The following CADPS2 variants were observed in gnomAD, a reference collection of about 807,000 sequenced individuals.
CADPS2 encodes the protein calcium dependent secretion activator 2, also known as calcium-dependent secretion activator 2.
Under a neutral mutation model 172.5 loss-of-function variants are expected in CADPS2, and 93 were observed. The ratio of observed to expected loss-of-function variants is 0.54; its 90% CI spans 0.46 to 0.64. The LOEUF is 0.64. Among genes scored for constraint, CADPS2 ranks in the 30% least tolerant of loss-of-function variants. The probability of loss-of-function intolerance (pLI) is 0.00; values close to 1 mark genes in which losing one functional copy is unlikely to be tolerated. For missense variants in CADPS2, 1,420 were observed against 1,565.9 expected (o/e 0.91, Z 1.57); for synonymous variants, 546 against 555.2 (o/e 0.98, Z 0.23).
chr7:122,719,235 A>G (rs1199077404), intron 2 of CADPS2, among the ~76,000 whole-genome samples: 1 of 151,960 alleles, frequency 6.6e-6, no homozygotes, highest in African/African-American at 2.4e-5. Context: ...GAAGTGAGGA[A>G]AGGAAGAAAG....
At position 122,388,755 on chromosome 7, in the gene CADPS2, A is replaced by G. The variant is rs1204296133; in HGVS notation, c.3009-17T>C. ...GAGCCATTGCTAGAAGAAAAAGGAA[A>G]AATGAACATCATGAACTCCCCGTTA... On this transcript the variant is annotated splice_polypyrimidine_tract_variant and intron_variant, in intron 22 of 29. Transcript: ENST00000449022. The G allele has an allele frequency of 6.3e-7, 1 of 1,587,292 alleles. No homozygotes were observed. Among genetic ancestry groups the G allele is most frequent in the East Asian group, 2.2e-5 (1 of 44,446 alleles).
chr7:122,411,939 G>A (rs2047367655), intron 19 of CADPS2, among the ~76,000 whole-genome samples: 1 of 152,164 alleles, frequency 6.6e-6, no homozygotes, highest in Admixed American at 6.5e-5. Flanking sequence ...GAGATGATGA[G>A]CTGAAAATGC....
intron 11 of CADPS2, among the ~76,000 whole-genome samples, chr7:122,487,011 C>CTTTT (rs535575706): frequency 3.2e-5 from 4 of 123,282 alleles, no homozygotes; most frequent in Non-Finnish European, 5.0e-5. Context: ...ATAAACATAA[C>CTTTT]TTTTTTTTTT....
chr7:122,326,269 A>T (rs1053883352), intron 28 of CADPS2, among the ~76,000 whole-genome samples: 3 of 152,028 alleles, frequency 2.0e-5, no homozygotes, highest in Non-Finnish European at 4.4e-5. Context: ...AATGAAAAGG[A>T]TGTGTTTCAT....
At chr7:122,625,606 G>A (rs1371174691) in intron 4 of CADPS2, among the ~76,000 whole-genome samples, 4 of 152,186 alleles carry the variant, frequency 2.6e-5, no homozygotes, top group Admixed American at 2.6e-4. Context: ...CCCTGTCTGA[G>A]TTTCTCACCT....
intron 15 of CADPS2, among the ~76,000 whole-genome samples, chr7:122,446,117 C>G (rs1326156571): frequency 6.6e-6 from 1 of 152,126 alleles, no homozygotes; most frequent in Non-Finnish European, 1.5e-5. Context: ...ACCATCCATG[C>G]CCTTAACTGG....
chr7:122,737,164 T>C (rs2092215810), intron 1 of CADPS2, 96 bp from the exon 2 acceptor site: 1 of 657,776 alleles, frequency 1.5e-6, no homozygotes, highest in Non-Finnish European at 2.7e-6. Context: ...AGATTTCACA[T>C]CTAGAATTAA....
At chr7:122,563,444 G>T (rs1401399460) in intron 7 of CADPS2, among the ~76,000 whole-genome samples, 7 of 152,040 alleles carry the variant, frequency 4.6e-5, no homozygotes, top group Non-Finnish European at 8.8e-5. Context: ...CCCCTCAAAG[G>T]TAGGCACTAT....
chr7:122,502,295 G>A (rs959710710), intron 9 of CADPS2, among the ~76,000 whole-genome samples: 2 of 152,110 alleles, frequency 1.3e-5, no homozygotes, highest in Admixed American at 6.5e-5. Flanking sequence ...AACTAGGTCT[G>A]AAATTAATAT....
chr7:122,667,098 T>C (rs929896317), intron 2 of CADPS2, among the ~76,000 whole-genome samples: 6 of 152,200 alleles, frequency 3.9e-5, no homozygotes, highest in African/African-American at 1.4e-4. Context: ...CCTGTTCAAT[T>C]ATTGTGTGTT....
intron 2 of CADPS2, among the ~76,000 whole-genome samples, chr7:122,707,215 G>A (rs2087717369): frequency 6.6e-6 from 1 of 151,960 alleles, no homozygotes. Flanking sequence ...CAGAGTCTCT[G>A]TTAATGGGGA....
chr7:122,870,185 C>A lies in CADPS2; in HGVS notation c.339+15814G>T, dbSNP rs375702706. ...AGTGGATTAAAAAAAGAAGATGCAA[C>A]TACCCAACTATATGCTTCCAAAAAG... On this transcript the variant is annotated intron_variant, in intron 1 of 29. Transcript: ENST00000449022. Among the ~76,000 whole-genome samples the A allele has an allele frequency of 2.0e-5, 3 of 151,930 alleles. No homozygotes were observed. In the East Asian group the frequency reaches 5.8e-4, roughly 29 times the overall value.
intron 9 of CADPS2, among the ~76,000 whole-genome samples, chr7:122,507,176 G>A (rs1404501127): frequency 2.0e-5 from 3 of 152,102 alleles, no homozygotes; most frequent in Admixed American, 6.6e-5. Context: ...AATGAGTTGA[G>A]GGGTACTTCA....
intron 1 of CADPS2, among the ~76,000 whole-genome samples, chr7:122,843,140 A>G (rs1332295836): frequency 6.6e-6 from 1 of 152,218 alleles, no homozygotes; most frequent in East Asian, 1.9e-4. Flanking sequence ...AGCCTTCATT[A>G]AAAGGAGCAA....
chr7:122,788,431 C>T (rs1010444233), intron 1 of CADPS2, among the ~76,000 whole-genome samples: 1 of 152,212 alleles, frequency 6.6e-6, no homozygotes, highest in African/African-American at 2.4e-5. Flanking sequence ...TGCAAGCAAA[C>T]AGGACCCTGG....
At position 122,856,181 on chromosome 7, in the gene CADPS2, C is replaced by T. The variant is rs146512970; in HGVS notation, c.339+29818G>A. 5.9e-3 allele frequency among the ~76,000 whole-genome samples: 902 copies of T among 152,312 alleles called. 6 individuals are homozygous for T. The highest frequency in any genetic ancestry group is 0.021 in the African/African-American group (870 of 41,556). On this transcript the variant is annotated intron_variant, in intron 1 of 29. Transcript: ENST00000449022. ...TGTCACTGAGCCAACATCCCACTCC[C>T]TGTGTTCTTGTGAAGTAAGCCCAGT...
intron 2 of CADPS2, among the ~76,000 whole-genome samples, chr7:122,695,047 C>A (rs2084894239): frequency 6.6e-6 from 1 of 152,182 alleles, no homozygotes; most frequent in Non-Finnish European, 1.5e-5. Context: ...GAAAGGCTCA[C>A]ACTAGTGCAA....
chr7:122,522,115 T>C (rs2060851980), intron 8 of CADPS2, among the ~76,000 whole-genome samples: 1 of 151,986 alleles, frequency 6.6e-6, no homozygotes, highest in Non-Finnish European at 1.5e-5. Context: ...AATAATTCAT[T>C]TTATTTTATT....
chr7:122,837,064 T>C (rs1030953781), intron 1 of CADPS2, among the ~76,000 whole-genome samples: 3 of 152,178 alleles, frequency 2.0e-5, no homozygotes, highest in East Asian at 3.8e-4. Flanking sequence ...AGAACATAAA[T>C]TATAACAAAC....
Sources: allele counts gnomAD v4.1 joint callset (sites outside exome capture counted in the v4.1 genomes callset), GRCh38; gene constraint gnomAD v4.1.1; transcripts MANE v1.5; gene names NCBI Gene and HGNC (gene_info 2026-07-23, HGNC 2026-07-21).